The following DNM3 variants were observed in gnomAD, a reference collection of about 807,000 sequenced individuals.
DNM3 encodes dynamin-3.
A neutral mutation model predicts 101.6 loss-of-function variants in DNM3; 47 were observed. That is an observed-to-expected ratio of 0.46 (90% CI 0.37 to 0.59). DNM3 has a LOEUF of 0.59. DNM3 is among the 20% of genes least tolerant of loss of function. The pLI, the probability that DNM3 is intolerant of heterozygous loss-of-function variation, is 0.00. For missense variants in DNM3, 849 were observed against 1,085.7 expected, an observed-to-expected ratio of 0.78 and a Z score of 3.06; for synonymous variants, 385 against 387.9, an observed-to-expected ratio of 0.99 and a Z score of 0.09.
chr1:172,055,523 T>C (rs1051962545), intron 10 of DNM3, among the ~76,000 whole-genome samples: 1 of 152,018 alleles, frequency 6.6e-6, no homozygotes, highest in African/African-American at 2.4e-5. Flanking sequence ...ATTATTTATG[T>C]CTGCTGTTGC....
At chr1:171,928,611 G>T (rs1020004543) in intron 2 of DNM3, among the ~76,000 whole-genome samples, 5 of 152,126 alleles carry the variant, frequency 3.3e-5, no homozygotes, top group Non-Finnish European at 7.3e-5. Flanking sequence ...CTTGCTGGAG[G>T]TGTGAATAAG....
At chr1:171,995,361 T>A (rs2045931827) in intron 4 of DNM3, among the ~76,000 whole-genome samples, 1 of 151,918 alleles carries the variant, frequency 6.6e-6, no homozygotes, top group Non-Finnish European at 1.5e-5. Flanking sequence ...CACCTCGACC[T>A]CCCAAAGTGT....
At chr1:171,908,493 A>G (rs2039012933) in intron 1 of DNM3, among the ~76,000 whole-genome samples, 1 of 152,150 alleles carries the variant, frequency 6.6e-6, no homozygotes, top group Non-Finnish European at 1.5e-5. Context: ...CCAGTGGATC[A>G]GGAGATTTCT....
In DNM3 at chr1:171,917,692, C is replaced by G. The variant is rs16843551; in HGVS notation, c.162-4056C>G. On this transcript the variant is annotated intron_variant, in intron 1 of 20. Coordinates refer to ENST00000627582, the MANE Select transcript of DNM3 (RefSeq NM_015569.5). ...ATATAACAGAATCAATTTAATAACACTGAGTCTTCAGGTTACTTTTTGAAG... is the reference window on the plus strand; with the variant it reads ...ATATAACAGAATCAATTTAATAACAGTGAGTCTTCAGGTTACTTTTTGAAG... 8.5e-3 allele frequency among the ~76,000 whole-genome samples: 1,293 copies of G among 152,224 alleles called. 13 individuals are homozygous for G. The highest frequency in any genetic ancestry group is 0.03 in the African/African-American group (1,235 of 41,532).
At chr1:171,987,590 A>G (rs1460812701) in intron 2 of DNM3, 66 bp from the exon 3 acceptor site, 1 of 1,454,640 alleles carries the variant, frequency 6.9e-7, no homozygotes, top group Non-Finnish European at 9.2e-7. Context: ...ATAATTAAAG[A>G]AACTTTTATA....
At chr1:172,167,824 T>C (rs879262383) in intron 14 of DNM3, among the ~76,000 whole-genome samples, 7 of 152,080 alleles carry the variant, frequency 4.6e-5, no homozygotes, top group Non-Finnish European at 1.0e-4. Flanking sequence ...GTCACAATTA[T>C]TTAGTTCATG....
intron 14 of DNM3, among the ~76,000 whole-genome samples, chr1:172,142,477 C>G (rs2057637192): frequency 6.6e-6 from 1 of 151,932 alleles, no homozygotes; most frequent in South Asian, 2.1e-4. Context: ...GTCGCTAGAG[C>G]CACATCAAGC....
At chr1:172,351,408 A>C (rs995749549) in intron 17 of DNM3, among the ~76,000 whole-genome samples, 10 of 152,164 alleles carry the variant, frequency 6.6e-5, no homozygotes, top group Admixed American at 6.5e-4. Flanking sequence ...AGGATTTTTT[A>C]AAGTAAACTT....
intron 1 of DNM3, among the ~76,000 whole-genome samples, chr1:171,892,881 CT>C (rs1427246442): frequency 6.7e-6 from 1 of 149,908 alleles, no homozygotes. Flanking sequence ...TTATGAGAAT[CT>C]ATTGCCACCA....
intron 10 of DNM3, among the ~76,000 whole-genome samples, chr1:172,061,152 C>A (rs1176117273): frequency 1.3e-5 from 2 of 150,658 alleles, no homozygotes; most frequent in African/African-American, 4.9e-5. Context: ...AATGAGATAC[C>A]ATCTCACACC....
intron 1 of DNM3, among the ~76,000 whole-genome samples, chr1:171,903,266 T>A (rs115825349): frequency 0.013 from 2,017 of 152,256 alleles, 24 homozygotes; most frequent in Middle Eastern, 0.031. Context: ...AAAGTGTCAT[T>A]CTTAAAAAAT....
intron 14 of DNM3, among the ~76,000 whole-genome samples, chr1:172,177,438 C>G (rs555557927): frequency 2.0e-5 from 3 of 151,930 alleles, no homozygotes; most frequent in South Asian, 4.1e-4. Flanking sequence ...GGGTTTGTTA[C>G]AATTCAAGGT....
At chr1:171,843,033 T>C (rs1168312736) in intron 1 of DNM3, among the ~76,000 whole-genome samples, 1 of 152,214 alleles carries the variant, frequency 6.6e-6, no homozygotes, top group Non-Finnish European at 1.5e-5. Context: ...CCTGTTTCTG[T>C]TCCTTTTTTC....
chr1:172,320,750 G>C (rs936495781), intron 16 of DNM3, among the ~76,000 whole-genome samples: 9 of 152,066 alleles, frequency 5.9e-5, no homozygotes, highest in Non-Finnish European at 7.4e-5. Context: ...ATGCACTCTG[G>C]GGGGATAGGC....
intron 14 of DNM3, among the ~76,000 whole-genome samples, chr1:172,219,334 T>TATCACTGCACTCCAGC (rs924117999): frequency 1.6e-5 from 2 of 128,446 alleles, no homozygotes; most frequent in African/African-American, 6.3e-5. Flanking sequence ...TGCACTGCAG[T>TATCACTGCACTCCAGC]ATCACTGCAC....
intron 14 of DNM3, among the ~76,000 whole-genome samples, chr1:172,175,158 G>C (rs541297082): frequency 6.6e-6 from 1 of 151,694 alleles, no homozygotes; most frequent in Non-Finnish European, 1.5e-5. Flanking sequence ...GTTCACACGG[G>C]AGACAAGGAG....
intron 1 of DNM3, among the ~76,000 whole-genome samples, chr1:171,857,721 G>C (rs891126056): frequency 6.6e-6 from 1 of 152,202 alleles, no homozygotes; most frequent in African/African-American, 2.4e-5. Flanking sequence ...TATCTTGAAT[G>C]ATAGTGTTTT....
chr1:172,411,128 G>A lies in DNM3; in HGVS notation c.*3287G>A, dbSNP rs1351043324. The A allele has an allele frequency of 1.0e-6, 1 of 983,906 alleles. No individual in the cohort carries two copies. Among genetic ancestry groups the A allele is most frequent in the Non-Finnish European group, 1.2e-6 (1 of 828,660 alleles). 60.9% of individuals were successfully genotyped at this position (983,906 alleles called of 1,614,324 possible). A position where few individuals can be genotyped will look rare whatever the true frequency, so the allele number is the denominator to read the frequency against. ...TATATGTATGGTTGTAAATATCTAT[G>A]TATACATGTACTTAGTATGTGTGGT... On this transcript the variant is annotated 3_prime_UTR_variant, in exon 21 of 21. Coordinates refer to ENST00000627582, the MANE Select transcript of DNM3 (RefSeq NM_015569.5).
At chr1:172,353,650 T>G (rs894298234) in intron 17 of DNM3, among the ~76,000 whole-genome samples, 1 of 152,158 alleles carries the variant, frequency 6.6e-6, no homozygotes. Flanking sequence ...CTCGGAAACT[T>G]GAATTTTCAT....
Sources: allele counts gnomAD v4.1 joint callset (sites outside exome capture counted in the v4.1 genomes callset), GRCh38; gene constraint gnomAD v4.1.1; transcripts MANE v1.5; gene names NCBI Gene and HGNC (gene_info 2026-07-23, HGNC 2026-07-21).